The following GRM7 variants were observed in gnomAD, a reference collection of about 807,000 sequenced individuals.
The protein encoded by GRM7 is glutamate metabotropic receptor 7.
GRM7 carries 35 observed loss-of-function variants against 84.5 expected under a neutral mutation model. That is an observed-to-expected ratio of 0.41 (90% CI 0.32 to 0.55). The LOEUF is 0.55. Ranked by LOEUF, GRM7 falls within the 20% of genes least tolerant of loss-of-function variation. The pLI, the probability that GRM7 is intolerant of heterozygous loss-of-function variation, is 0.19. For missense variants in GRM7, 1,003 were observed against 1,194.6 expected (o/e 0.84, Z 2.36); for synonymous variants, 487 against 455.1 (o/e 1.07, Z -0.89).
intron 2 of GRM7, among the ~76,000 whole-genome samples, chr3:7,224,134 A>C (rs1178820484): frequency 6.6e-6 from 1 of 152,192 alleles, no homozygotes; most frequent in Non-Finnish European, 1.5e-5. Context: ...AAAAGAAAAA[A>C]GGTTTATTTG....
chr3:7,435,851 CTTTTTTTTT>C lies in GRM7; in HGVS notation c.1175-16740_1175-16732del, dbSNP rs34860272. On this transcript the variant is annotated intron_variant, in intron 5 of 9. Coordinates refer to ENST00000357716, the MANE Select transcript of GRM7 (RefSeq NM_000844.4). ...TACAGGCGCCCGCCACCACACCCAT[CTTTTTTTTT>C]TTTTTTTTTTTTTTTGTATTTTTAG... Among the ~76,000 whole-genome samples the C allele has an allele frequency of 2.4e-3, 217 of 89,266 alleles. 1 individual carries two copies. The highest frequency in any genetic ancestry group is 8.9e-3 in the African/African-American group (204 of 22,998). 58.6% of individuals were successfully genotyped at this position (89,266 alleles called of 152,430 possible). A position where few individuals can be genotyped will look rare whatever the true frequency, so the allele number is the denominator to read the frequency against.
chr3:7,229,755 ATATATTTTT>A (rs1697119935), intron 2 of GRM7, among the ~76,000 whole-genome samples: 4 of 28,502 alleles, frequency 1.4e-4, no homozygotes, highest in Admixed American at 5.3e-4. Context: ...ATATATATAT[ATATATTTTT>A]TTTTTTTTTT....
chr3:7,067,884 G>T (rs1294330889), intron 1 of GRM7, among the ~76,000 whole-genome samples: 2 of 151,828 alleles, frequency 1.3e-5, no homozygotes, highest in African/African-American at 4.8e-5. Context: ...CTGTTAACCT[G>T]AAATATATTG....
intron 1 of GRM7, among the ~76,000 whole-genome samples, chr3:7,095,482 C>T (rs1698824345): frequency 2.0e-5 from 3 of 152,228 alleles, no homozygotes; most frequent in South Asian, 2.1e-4. Flanking sequence ...TTATTCTGTA[C>T]AATAAAAACC....
chr3:6,861,347 T>C lies in GRM7; in HGVS notation c.-42T>C. 1 of 1,460,006 alleles carries C rather than the reference T, an allele frequency of 6.8e-7. No individual in the cohort carries two copies. The highest frequency in any genetic ancestry group is 9.0e-7 in the Non-Finnish European group (1 of 1,115,726). 90.4% of individuals were successfully genotyped at this position (1,460,006 alleles called of 1,614,324 possible). ...CGGACCTCGGCGAGCCCACCACCGT[T>C]CCCTCCAGCGCCGCCGCCGCCACCG... On this transcript the variant is annotated 5_prime_UTR_variant, in exon 1 of 10. Transcript: ENST00000357716. This position sits in a 1 kb window ranked among gnomAD's most constrained non-coding sequence, Gnocchi z 6.4.
At chr3:7,378,751 A>T (rs2324123) in intron 4 of GRM7, among the ~76,000 whole-genome samples, 75,230 of 152,040 alleles carry the variant, frequency 0.49, 19,467 homozygotes, top group East Asian at 0.75. Context: ...TTTATTATGA[A>T]GACCCCCATG....
At chr3:7,180,984 T>A (rs1695317825) in intron 2 of GRM7, among the ~76,000 whole-genome samples, 1 of 152,204 alleles carries the variant, frequency 6.6e-6, no homozygotes, top group South Asian at 2.1e-4. Flanking sequence ...AAACATCCCA[T>A]GCTCATTTTT....
chr3:7,605,248 CAG>C lies in GRM7; in HGVS notation c.2451+25895_2451+25896del, dbSNP rs1481672088. Among the ~76,000 whole-genome samples, 9 of 152,148 alleles carry C rather than the reference CAG, an allele frequency of 5.9e-5. No individual in the cohort carries two copies. The South Asian group carries it at 1.0e-3, about 18-fold the overall frequency. ...AAAAACAAAAGCTCTCTGTAGATGA[CAG>C]AGACTCAAAAGGCTGTGGTTATTTT... On this transcript the variant is annotated intron_variant, in intron 8 of 9. Transcript: ENST00000357716.
chr3:7,233,795 T>TCCA (rs1697266659), intron 2 of GRM7, among the ~76,000 whole-genome samples: 1 of 152,136 alleles, frequency 6.6e-6, no homozygotes, highest in Non-Finnish European at 1.5e-5. Flanking sequence ...AACCCAATTT[T>TCCA]TGGATCCCCA....
chr3:7,471,100 C>T (rs576395951), intron 7 of GRM7, among the ~76,000 whole-genome samples: 3 of 151,698 alleles, frequency 2.0e-5, no homozygotes, highest in Non-Finnish European at 4.4e-5. Context: ...AAGCAAAATA[C>T]CCACCTCATA....
In GRM7 at chr3:7,103,811, T is replaced by TC. The variant is rs1491107940; in HGVS notation, c.520-42641_520-42640insC. Among the ~76,000 whole-genome samples the TC allele has an allele frequency of 6.0e-4, 63 of 104,308 alleles. 1 individual carries two copies. The highest frequency in any genetic ancestry group is 3.6e-3 in the African/African-American group (63 of 17,382). 68.4% of individuals were successfully genotyped at this position (104,308 alleles called of 152,430 possible). ...CTTTCTTTCTTTCTTTCTTTCTTTCTTTCTTTCTCTCTCTCTCTGTCTCTC... is the reference window on the plus strand; with the variant it reads ...CTTTCTTTCTTTCTTTCTTTCTTTCTCTTCTTTCTCTCTCTCTCTGTCTCTC... On this transcript the variant is annotated intron_variant, in intron 1 of 9. Coordinates refer to ENST00000357716, the MANE Select transcript of GRM7 (RefSeq NM_000844.4).
intron 1 of GRM7, among the ~76,000 whole-genome samples, chr3:7,044,329 T>C (rs574271344): frequency 2.0e-5 from 3 of 152,304 alleles, no homozygotes; most frequent in South Asian, 2.1e-4. Flanking sequence ...TATTGAGAAA[T>C]GCTTTGTGTT....
At chr3:7,206,845 T>G (rs1462789139) in intron 2 of GRM7, among the ~76,000 whole-genome samples, 1 of 152,178 alleles carries the variant, frequency 6.6e-6, no homozygotes, top group Non-Finnish European at 1.5e-5. Context: ...ATGGATGCTT[T>G]CTTCTGAAGA....
intron 4 of GRM7, among the ~76,000 whole-genome samples, chr3:7,393,545 T>C (rs1210244544): frequency 2.0e-5 from 3 of 152,220 alleles, no homozygotes; most frequent in African/African-American, 7.2e-5. Context: ...GCTTCCTGTC[T>C]TTTCTCTGGT....
chr3:7,347,277 T>TA (rs1428409034), intron 4 of GRM7, among the ~76,000 whole-genome samples: 1 of 152,168 alleles, frequency 6.6e-6, no homozygotes, highest in Admixed American at 6.5e-5. Context: ...TATAATGCCT[T>TA]AGAGTTTGAG....
At chr3:7,219,957 G>A (rs144318419) in intron 2 of GRM7, among the ~76,000 whole-genome samples, 3 of 152,176 alleles carry the variant, frequency 2.0e-5, no homozygotes, top group African/African-American at 7.2e-5. Context: ...ACCAACTAAA[G>A]GTTCTTAATG....
chr3:6,976,387 C>T (rs1401302953), intron 1 of GRM7, among the ~76,000 whole-genome samples: 1 of 152,156 alleles, frequency 6.6e-6, no homozygotes, highest in African/African-American at 2.4e-5. Flanking sequence ...AAATCAGACA[C>T]CCATGTGAAA....
intron 7 of GRM7, among the ~76,000 whole-genome samples, chr3:7,526,013 G>A (rs1369845501): frequency 6.6e-6 from 1 of 152,000 alleles, no homozygotes; most frequent in East Asian, 1.9e-4. Context: ...AAACATATGA[G>A]TACATGTGTC....
At chr3:7,279,391 A>C (rs111510324) in intron 2 of GRM7, among the ~76,000 whole-genome samples, 45 of 152,276 alleles carry the variant, frequency 3.0e-4, no homozygotes, top group African/African-American at 9.1e-4. Context: ...GAATGTACAG[A>C]GAGGAAAAGA....
Sources: gnomAD v4.1 joint callset for allele counts (sites outside exome capture counted in the v4.1 genomes callset) on GRCh38, gnomAD v4.1.1 for gene constraint, Gnocchi (gnomAD v3.1) non-coding constraint, MANE v1.5 for transcripts, NCBI Gene and HGNC (gene_info 2026-07-23, HGNC 2026-07-21) for gene names.